CORIN: variants seen among roughly 807,000 people sequenced by gnomAD.
CORIN encodes atrial natriuretic peptide-converting enzyme.
A neutral mutation model predicts 125.3 loss-of-function variants in CORIN; 117 were observed. The ratio of observed to expected loss-of-function variants is 0.93; its 90% CI spans 0.80 to 1.09. The LOEUF is 1.09. CORIN is among the 50% of genes least tolerant of loss of function. The pLI is 0.00. For missense variants in CORIN, 1,253 were observed against 1,306.7 expected (o/e 0.96, Z 0.63); for synonymous variants, 450 against 466.4 (o/e 0.96, Z 0.45).
intron 16 of CORIN, among the ~76,000 whole-genome samples, chr4:47,635,214 G>A (rs545953444): frequency 6.6e-6 from 1 of 152,306 alleles, no homozygotes; most frequent in South Asian, 2.1e-4. Flanking sequence ...AGGTTAATGA[G>A]GTGGGACAGA....
chr4:47,733,799 A>G (rs1727996461), intron 5 of CORIN, among the ~76,000 whole-genome samples: 1 of 152,232 alleles, frequency 6.6e-6, no homozygotes, highest in African/African-American at 2.4e-5. Context: ...TACAAGACCT[A>G]GCATCAACAT....
At chr4:47,809,657 C>T (rs774313066) in intron 1 of CORIN, among the ~76,000 whole-genome samples, 3 of 152,112 alleles carry the variant, frequency 2.0e-5, no homozygotes, top group East Asian at 1.9e-4. Context: ...CCACCCGCCT[C>T]GGCCTCCTAA....
At chr4:47,833,267 T>C (rs372304892) in intron 1 of CORIN, among the ~76,000 whole-genome samples, 68 of 152,242 alleles carry the variant, frequency 4.5e-4, no homozygotes, top group African/African-American at 1.6e-3. Context: ...ACATACATAG[T>C]TGACAAGGAT....
At chr4:47,653,706 A>G in intron 12 of CORIN, 46 bp from the exon 13 acceptor site, 1 of 1,485,760 alleles carries the variant, frequency 6.7e-7, no homozygotes. Flanking sequence ...ACCCAGAAAC[A>G]TCAGCTAATT....
intron 3 of CORIN, among the ~76,000 whole-genome samples, chr4:47,767,030 C>CA (rs1009561099): frequency 6.6e-6 from 1 of 151,016 alleles, no homozygotes. Context: ...GACATTTCAC[C>CA]AAAAAAAGAA....
At chr4:47,742,343 T>C (rs1456648218) in intron 5 of CORIN, among the ~76,000 whole-genome samples, 2 of 151,940 alleles carry the variant, frequency 1.3e-5, no homozygotes, top group East Asian at 1.9e-4. Flanking sequence ...AGGAAATAAA[T>C]TGTCATTATT....
intron 3 of CORIN, among the ~76,000 whole-genome samples, chr4:47,782,250 T>C (rs1577918429): frequency 6.6e-6 from 1 of 151,942 alleles, no homozygotes; most frequent in East Asian, 2.0e-4. Flanking sequence ...CCAGGCATAG[T>C]GGCGTGTGCT....
At chr4:47,788,297 C>T (rs966785175) in intron 2 of CORIN, among the ~76,000 whole-genome samples, 1 of 152,158 alleles carries the variant, frequency 6.6e-6, no homozygotes, top group African/African-American at 2.4e-5. Context: ...AACAATTTCT[C>T]TACATATGCT....
chr4:47,689,082 G>A (rs923753325), intron 6 of CORIN, among the ~76,000 whole-genome samples: 1 of 152,022 alleles, frequency 6.6e-6, no homozygotes, highest in Non-Finnish European at 1.5e-5. Context: ...TTCCTTACAT[G>A]TATCAGCTGA....
At chr4:47,655,839 T>C (rs1487947911) in intron 12 of CORIN, among the ~76,000 whole-genome samples, 2 of 145,974 alleles carry the variant, frequency 1.4e-5, no homozygotes, top group Admixed American at 7.0e-5. Flanking sequence ...TACTTAAAAG[T>C]CTTTCAGCAG....
At chr4:47,777,087 G>A (rs1730333589) in intron 3 of CORIN, among the ~76,000 whole-genome samples, 1 of 152,112 alleles carries the variant, frequency 6.6e-6, no homozygotes, top group African/African-American at 2.4e-5. Flanking sequence ...ATGTTGCAAG[G>A]CAGTTAGTAG....
intron 3 of CORIN, among the ~76,000 whole-genome samples, chr4:47,778,259 T>C (rs568210831): frequency 2.6e-5 from 4 of 152,212 alleles, no homozygotes; most frequent in Non-Finnish European, 5.9e-5. Context: ...TATGTATTAA[T>C]ATGGCATAAA....
At chr4:47,806,871 C>T (rs1473775799) in intron 2 of CORIN, 32 bp downstream of exon 2, 1 of 1,583,722 alleles carries the variant, frequency 6.3e-7, no homozygotes, top group Admixed American at 1.8e-5. Context: ...TTCACTTTAA[C>T]TTCATTTTTA....
At position 47,613,237 on chromosome 4, in the gene CORIN, G is replaced by A. The variant is rs190819276; in HGVS notation, c.2541-9569C>T. Among the ~76,000 whole-genome samples, 95 of 152,294 alleles carry A rather than the reference G, an allele frequency of 6.2e-4. 1 individual carries two copies. The highest frequency in any genetic ancestry group is 4.3e-3 in the East Asian group (22 of 5,174). ...TGGGAGGCTAAAGCGGGCAGATCAC[G>A]AGGTCAGGAGTACGAGACCAGACTG... is the stretch of plus-strand genomic sequence containing the variant. On this transcript the variant is annotated intron_variant, in intron 19 of 21. Coordinates refer to ENST00000273857, the MANE Select transcript of CORIN (RefSeq NM_006587.4).
intron 6 of CORIN, among the ~76,000 whole-genome samples, chr4:47,687,804 C>A (rs1399382054): frequency 6.6e-6 from 1 of 152,140 alleles, no homozygotes; most frequent in African/African-American, 2.4e-5. Context: ...GACGGTCTGT[C>A]CACTGTTGCT....
At chr4:47,729,815 T>C (rs1727780104) in intron 5 of CORIN, among the ~76,000 whole-genome samples, 1 of 151,956 alleles carries the variant, frequency 6.6e-6, no homozygotes, top group Admixed American at 6.6e-5. Flanking sequence ...CGGCTGAATA[T>C]CGGAACCAGC....
chr4:47,669,200 C>T (rs1431717352), intron 10 of CORIN, among the ~76,000 whole-genome samples: 1 of 152,018 alleles, frequency 6.6e-6, no homozygotes, highest in African/African-American at 2.4e-5. Context: ...CTTTCAAAGT[C>T]TGTAACAAGA....
chr4:47,698,813 T>TA (rs958143978), intron 5 of CORIN, among the ~76,000 whole-genome samples: 1 of 152,202 alleles, frequency 6.6e-6, no homozygotes, highest in Non-Finnish European at 1.5e-5. Flanking sequence ...AGTGGCCCCA[T>TA]AGGATTACAA....
At chr4:47,614,853 A>G (rs2109535005) in intron 19 of CORIN, among the ~76,000 whole-genome samples, 2 of 152,326 alleles carry the variant, frequency 1.3e-5, no homozygotes, top group South Asian at 4.1e-4. Context: ...TCATGTCTTC[A>G]TAGAGTTTTC....
Sources: allele counts gnomAD v4.1 joint callset (sites outside exome capture counted in the v4.1 genomes callset), GRCh38; gene constraint gnomAD v4.1.1; transcripts MANE v1.5; gene names NCBI Gene and HGNC (gene_info 2026-07-23, HGNC 2026-07-21).